DEF6: variants seen among roughly 807,000 people sequenced by gnomAD.
The protein encoded by DEF6 is differentially expressed in FDCP 6 homolog.
A neutral mutation model predicts 80.5 loss-of-function variants in DEF6; 32 were observed. The ratio of observed to expected loss-of-function variants is 0.40; its 90% confidence interval spans 0.30 to 0.53. The LOEUF is 0.53. Among genes scored for constraint, DEF6 ranks in the 20% least tolerant of loss-of-function variants. DEF6 has a pLI of 0.57. For missense variants in DEF6, 575 were observed against 818.7 expected, an observed-to-expected ratio of 0.70 and a Z score of 3.63; for synonymous variants, 300 against 337.9, an observed-to-expected ratio of 0.89 and a Z score of 1.23.
chr6:35,320,110 C>A, intron 9 of DEF6, 93 bp downstream of exon 9: 2 of 1,280,164 alleles, frequency 1.6e-6, no homozygotes, highest in Non-Finnish European at 2.2e-6. Context: ...CAAACCCTGG[C>A]CCTAGCAGCT....
At position 35,320,980 on chromosome 6, in the gene DEF6, A is replaced by G; in HGVS notation, c.1672+6A>G. ...GCATCCAATTGAGCCTGGAGGTGAG[A>G]AGGAATAGACTCTGGAGCTTTCCCT... On this transcript the variant is annotated splice_donor_region_variant and intron_variant, in intron 10 of 10. Transcript: ENST00000316637. 2 of 1,612,716 alleles carry G rather than the reference A, an allele frequency of 1.2e-6. No homozygotes were observed. Among genetic ancestry groups the G allele is most frequent in the Non-Finnish European group, 1.7e-6 (2 of 1,179,206 alleles).
chr6:35,311,517 A>T (rs113232315), intron 3 of DEF6, among the ~76,000 whole-genome samples: 2,074 of 152,246 alleles, frequency 0.014, 20 homozygotes, highest in South Asian at 0.033. Context: ...TCCTAAACAG[A>T]GTGTCCCAAA....
rs1160051244 is a variant in DEF6 at position 35,318,544 on chromosome 6, C to T, written c.1215+73C>T. ...CTGGCCAGGGGCGGAGCGCCGGGGG[C>T]GGGGCCTGGGCAGAGGGCGGAGCTC... On this transcript the variant is annotated intron_variant, in intron 7 of 10. Coordinates refer to ENST00000316637, the MANE Select transcript of DEF6 (RefSeq NM_022047.4). The surrounding 1 kb of genome is among the most constrained non-coding windows in gnomAD (Gnocchi z 5.1). The T allele has an allele frequency of 8.9e-5, 118 of 1,321,752 alleles. No homozygotes were observed. The South Asian group carries it at 2.1e-3, about 23-fold the overall frequency. 81.9% of individuals were successfully genotyped at this position (1,321,752 alleles called of 1,614,324 possible).
At chr6:35,320,783 A>T in intron 9 of DEF6, 101 bp from the exon 10 acceptor site, 11 of 952,084 alleles carry the variant, frequency 1.2e-5, no homozygotes, top group Non-Finnish European at 1.8e-5. Flanking sequence ...GATGATCAGT[A>T]GTCTTGGTCA....
At position 35,319,478 on chromosome 6, in the gene DEF6, G is replaced by C; in HGVS notation, c.1216-46G>C. On this transcript the variant is annotated intron_variant, in intron 7 of 10. Coordinates refer to ENST00000316637, the MANE Select transcript of DEF6 (RefSeq NM_022047.4). The surrounding 1 kb of genome is among the most constrained non-coding windows in gnomAD (Gnocchi z 4.5). ...ACCCCCTCCTCCTCCGCCCCCACGTGCCCCTTTTGACCTGGCTCTTGGTCC... is the reference window on the plus strand; with the variant it reads ...ACCCCCTCCTCCTCCGCCCCCACGTCCCCCTTTTGACCTGGCTCTTGGTCC... 1.3e-6 allele frequency: 2 copies of C among 1,507,164 alleles called. No homozygotes were observed. Among genetic ancestry groups the C allele is most frequent in the South Asian group, 1.2e-5 (1 of 81,110 alleles). 93.4% of individuals were successfully genotyped at this position (1,507,164 alleles called of 1,614,324 possible). A position where few individuals can be genotyped will look rare whatever the true frequency, so the allele number is the denominator to read the frequency against.
In DEF6 at chr6:35,321,424, C is replaced by T; in HGVS notation, c.*14C>T. On this transcript the variant is annotated 3_prime_UTR_variant, in exon 11 of 11. Coordinates refer to ENST00000316637, the MANE Select transcript of DEF6 (RefSeq NM_022047.4). ...CCAGAAAATTAGCCTCTCTTAGCCC[C>T]TTGTTCTTCCCAATGTCATATCCAC... The T allele has an allele frequency of 1.9e-6, 3 of 1,604,956 alleles. No individual in the cohort carries two copies. The highest frequency in any genetic ancestry group is 2.6e-6 in the Non-Finnish European group (3 of 1,172,688).
intron 3 of DEF6, among the ~76,000 whole-genome samples, chr6:35,311,976 C>A (rs1052707190): frequency 1.3e-5 from 2 of 152,140 alleles, no homozygotes; most frequent in Admixed American, 1.3e-4. Context: ...GATGAGAGGG[C>A]CTTTGCACTC....
chr6:35,312,404 A>C lies in DEF6; in HGVS notation c.526A>C (p.Thr176Pro). 1 of 1,614,084 alleles carries C rather than the reference A, an allele frequency of 6.2e-7. No individual in the cohort carries two copies. The highest frequency in any genetic ancestry group is 1.1e-5 in the South Asian group (1 of 91,080). The change falls in exon 4 of 11, where the codon ACC becomes CCC. Residue 176 changes from threonine (T) to proline (P), a missense_variant. Thr to Pro is a conservative substitution (Grantham distance 38, BLOSUM62 -1). Transcript: ENST00000316637. The surrounding 1 kb of genome is among the most constrained non-coding windows in gnomAD (Gnocchi z 6.6). ...LAQEAQVAQT[T>P]GGLSVWQFLE... Reference sequence around the variant, plus strand: ...CCAGGAGGCCCAGGTGGCCCAGACCACCGGGGGGCTCAGCGTCTGGCAGTT... The same window carrying C: ...CCAGGAGGCCCAGGTGGCCCAGACCCCCGGGGGGCTCAGCGTCTGGCAGTT...
At position 35,297,963 on chromosome 6, in the gene DEF6, C is replaced by A. The variant is rs749263162; in HGVS notation, c.96+11C>A. On this transcript the variant is annotated intron_variant, in intron 1 of 10. Transcript: ENST00000316637. The stretch of plus-strand genomic sequence containing the variant: ...AAGTCCCAGCTCAAGGTGAGGGGCA[C>A]CCGGGACCCGGGGGAGGACGGCAGA... 1 of 1,583,592 alleles carries A rather than the reference C, an allele frequency of 6.3e-7. No homozygotes were observed. The highest frequency in any genetic ancestry group is 8.6e-7 in the Non-Finnish European group (1 of 1,165,734).
intron 5 of DEF6, among the ~76,000 whole-genome samples, chr6:35,313,097 C>A (rs1582232145): frequency 6.6e-6 from 1 of 152,162 alleles, no homozygotes; most frequent in South Asian, 2.1e-4. Flanking sequence ...TTCTTCTTCA[C>A]CCATATTCCA....
rs776341457 is a variant in DEF6, at chr6:35,312,587, G to A, written c.661-39G>A. Reference sequence around the variant, plus strand: ...GAAGCACACAAGGTGCAGGGCGAAGGGGGGCCTGGGAAGCCTCTGACGTAA... The same window carrying A: ...GAAGCACACAAGGTGCAGGGCGAAGAGGGGCCTGGGAAGCCTCTGACGTAA... On this transcript the variant is annotated intron_variant, in intron 4 of 10. Transcript: ENST00000316637. This position sits in a 1 kb window ranked among gnomAD's most constrained non-coding sequence, Gnocchi z 6.6. 6.2e-7 allele frequency: 1 copy of A among 1,614,180 alleles called. No homozygotes were observed. The highest frequency in any genetic ancestry group is 1.3e-5 in the African/African-American group (1 of 75,060).
chr6:35,304,497 C>T (rs10807150), intron 1 of DEF6, among the ~76,000 whole-genome samples: 101,566 of 152,142 alleles, frequency 0.67, 37,391 homozygotes, highest in Non-Finnish European at 0.82. Context: ...AAGAATATGC[C>T]TGACCTGCTG....
intron 1 of DEF6, among the ~76,000 whole-genome samples, chr6:35,305,146 A>AT (rs772142863): frequency 4.8e-3 from 651 of 134,628 alleles, no homozygotes; most frequent in Middle Eastern, 0.019. Flanking sequence ...AAAAAAAAGA[A>AT]TTTTTTTTTT....
rs1011724637 is a variant in DEF6, at chr6:35,319,937, C to G, written c.1501C>G (p.Gln501Glu). Residue 501 changes from glutamine (Q) to glutamate (E), a missense_variant, in exon 9 of 11, where the codon CAG becomes GAG. Transcript: ENST00000316637. The surrounding 1 kb of genome is among the most constrained non-coding windows in gnomAD (Gnocchi z 4.5). ...AGAGCTGCAGCAGGAGATGGCACAG[C>G]AGAGCCGCTCCCTGCAGCAGGCCCA... The part of the protein sequence containing the change: ...KEELQQEMAQ[Q>E]SRSLQQAQQQ... The G allele has an allele frequency of 1.9e-6, 3 of 1,568,080 alleles. No homozygotes were observed. Among genetic ancestry groups the G allele is most frequent in the Non-Finnish European group, 2.6e-6 (3 of 1,156,078 alleles).
At position 35,319,579 on chromosome 6, in the gene DEF6, A is replaced by G; in HGVS notation, c.1271A>G (p.Gln424Arg). The part of the protein sequence containing the change: ...MELKEEEAAR[Q>R]RQRIKELEEM... ...CTGAAGGAGGAGGAGGCTGCCCGGC[A>G]GCGGCAGCGCATCAAGGAGCTGGAG... The change falls in exon 8 of 11, where the codon CAG becomes CGG. Residue 424 changes from glutamine (Q) to arginine (R), a missense_variant. By Grantham distance (43) the Gln-to-Arg change is conservative. Coordinates refer to ENST00000316637, the MANE Select transcript of DEF6 (RefSeq NM_022047.4). The surrounding 1 kb of genome is among the most constrained non-coding windows in gnomAD (Gnocchi z 4.5). The G allele has an allele frequency of 3.1e-6, 5 of 1,613,694 alleles. No homozygotes were observed. Among genetic ancestry groups the G allele is most frequent in the Non-Finnish European group, 4.2e-6 (5 of 1,179,876 alleles).
At chr6:35,313,644 ACT>A (rs1351802556) in intron 5 of DEF6, among the ~76,000 whole-genome samples, 2 of 151,686 alleles carry the variant, frequency 1.3e-5, no homozygotes, top group Non-Finnish European at 1.5e-5. Context: ...CCACTAATAT[ACT>A]CTCTATCTTC....
intron 1 of DEF6, 49 bp from the exon 2 acceptor site, chr6:35,309,621 G>A: frequency 6.3e-7 from 1 of 1,597,980 alleles, no homozygotes; most frequent in Non-Finnish European, 8.5e-7. Flanking sequence ...CTCTGGCCCA[G>A]TTTTGGTTGG....
chr6:35,300,409 G>T (rs904073014), intron 1 of DEF6, among the ~76,000 whole-genome samples: 2 of 152,086 alleles, frequency 1.3e-5, no homozygotes, highest in African/African-American at 4.8e-5. Context: ...AAGATGTGTC[G>T]GTGCGTGACA....
In DEF6 at chr6:35,317,680, C is replaced by T. The variant is rs575782724; in HGVS notation, c.808-211C>T. 7.9e-4 allele frequency: 410 copies of T among 516,952 alleles called. 10 individuals carry two copies. The South Asian group carries it at 0.01, about 13-fold the overall frequency. 32.0% of individuals were successfully genotyped at this position (516,952 alleles called of 1,614,324 possible). A position where few individuals can be genotyped will look rare whatever the true frequency, so the allele number is the denominator to read the frequency against. On this transcript the variant is annotated intron_variant, in intron 5 of 10. Coordinates refer to ENST00000316637, the MANE Select transcript of DEF6 (RefSeq NM_022047.4). The stretch of plus-strand genomic sequence containing the variant: ...GGAATAATAGCAAGATGGAAACGCA[C>T]CCACCTAGCCTTCAAAGAGCAAAGG...
Sources: gnomAD v4.1 joint callset for allele counts (sites outside exome capture counted in the v4.1 genomes callset) on GRCh38, gnomAD v4.1.1 for gene constraint, Gnocchi (gnomAD v3.1) non-coding constraint, MANE v1.5 for transcripts, NCBI Gene and HGNC (gene_info 2026-07-23, HGNC 2026-07-21) for gene names.